Variants in ACOXL observed in about 807,000 individuals in gnomAD.
ACOXL encodes the protein acyl-CoA oxidase like, also known as acyl-coenzyme A oxidase-like protein.
ACOXL carries 70 observed loss-of-function variants against 71.9 expected under a neutral mutation model. The ratio of observed to expected loss-of-function variants is 0.97; its 90% CI spans 0.80 to 1.19. The LOEUF (loss-of-function observed/expected upper bound fraction) is 1.19, where lower values mean the gene tolerates loss of function less well. ACOXL is among the 50% of genes most tolerant of loss of function. The pLI is 0.00. For synonymous variants in ACOXL, 253 were observed against 281.6 expected, an observed-to-expected ratio of 0.90 and a Z score of 1.02; for missense variants, 703 against 736.3, an observed-to-expected ratio of 0.95 and a Z score of 0.52.
intron 2 of ACOXL, among the ~76,000 whole-genome samples, chr2:110,782,620 C>G (rs1330480018): frequency 6.6e-6 from 1 of 152,206 alleles, no homozygotes; most frequent in Non-Finnish European, 1.5e-5. Flanking sequence ...TTATAATGCT[C>G]TATGATGGCT....
chr2:111,037,448 T>C (rs3827541), intron 15 of ACOXL, among the ~76,000 whole-genome samples: 16,968 of 152,066 alleles, frequency 0.11, 1,047 homozygotes, highest in East Asian at 0.23. Context: ...GAATGATGTG[T>C]GTTTTATGGA....
intron 1 of ACOXL, among the ~76,000 whole-genome samples, chr2:110,749,144 G>T (rs1282798591): frequency 1.3e-5 from 2 of 152,172 alleles, no homozygotes; most frequent in Non-Finnish European, 2.9e-5. Flanking sequence ...ATCTGAAGAT[G>T]TGTTTTCCAC....
intron 1 of ACOXL, among the ~76,000 whole-genome samples, chr2:110,744,005 C>G (rs1486331182): frequency 6.6e-6 from 1 of 152,196 alleles, no homozygotes; most frequent in East Asian, 1.9e-4. Context: ...CTGGGGCCCC[C>G]CAGGCACTGA....
intron 15 of ACOXL, among the ~76,000 whole-genome samples, chr2:111,038,135 C>T (rs906505594): frequency 3.3e-5 from 5 of 152,152 alleles, no homozygotes; most frequent in African/African-American, 1.2e-4. Context: ...CAACTCTAAT[C>T]CCCCACTAGG....
chr2:110,976,903 T>C (rs186212810), intron 12 of ACOXL, among the ~76,000 whole-genome samples: 80 of 152,252 alleles, frequency 5.3e-4, no homozygotes, highest in Non-Finnish European at 1.0e-3. Flanking sequence ...AAGCATGACA[T>C]GAGAATGTAT....
At chr2:110,878,781 C>T (rs188832832) in intron 10 of ACOXL, among the ~76,000 whole-genome samples, 5 of 151,068 alleles carry the variant, frequency 3.3e-5, no homozygotes, top group African/African-American at 7.3e-5. Context: ...TCAAAACAGG[C>T]TGGCACGGTG....
intron 14 of ACOXL, among the ~76,000 whole-genome samples, chr2:111,019,816 C>T (rs1332208545): frequency 5.3e-5 from 8 of 152,148 alleles, no homozygotes; most frequent in Admixed American, 5.2e-4. Flanking sequence ...GCTGAATTTG[C>T]TCTATTTCTC....
intron 12 of ACOXL, chr2:110,968,362 A>ACCAGATGAT (rs1310895115): frequency 2.6e-6 from 3 of 1,135,108 alleles, no homozygotes; most frequent in African/African-American, 3.0e-5. Flanking sequence ...CTCTCATAGT[A>ACCAGATGAT]CCAGATGATT....
At chr2:111,046,865 G>T (rs576278728) in intron 15 of ACOXL, among the ~76,000 whole-genome samples, 2 of 144,146 alleles carry the variant, frequency 1.4e-5, no homozygotes, top group African/African-American at 5.9e-5. Context: ...TGGTTTGCAC[G>T]GGGAAGAGGG....
chr2:110,761,770 G>A (rs1020507756), intron 1 of ACOXL, among the ~76,000 whole-genome samples: 4 of 152,212 alleles, frequency 2.6e-5, no homozygotes, highest in Non-Finnish European at 5.9e-5. Flanking sequence ...TCTGCTGTTT[G>A]ATGGGCTAAA....
At chr2:111,001,161 G>A (rs1023135759) in intron 14 of ACOXL, among the ~76,000 whole-genome samples, 2 of 152,166 alleles carry the variant, frequency 1.3e-5, no homozygotes, top group African/African-American at 4.8e-5. Context: ...AAGCTTGAGG[G>A]CATCCTCTGT....
intron 11 of ACOXL, among the ~76,000 whole-genome samples, chr2:110,924,034 C>T (rs2060179266): frequency 6.6e-6 from 1 of 151,794 alleles, no homozygotes. Flanking sequence ...AAGTGAATAT[C>T]GCAATAACAT....
intron 17 of ACOXL, among the ~76,000 whole-genome samples, chr2:111,115,800 C>T (rs1029682626): frequency 9.9e-5 from 15 of 152,178 alleles, no homozygotes; most frequent in African/African-American, 3.6e-4. Context: ...GTTCATTTTT[C>T]TTCTCTAGGG....
At chr2:111,053,135 T>C (rs1329038294) in intron 16 of ACOXL, among the ~76,000 whole-genome samples, 1 of 152,152 alleles carries the variant, frequency 6.6e-6, no homozygotes, top group African/African-American at 2.4e-5. Context: ...CCAAAGACCC[T>C]TCCAGCATCA....
intron 12 of ACOXL, among the ~76,000 whole-genome samples, chr2:110,951,932 T>C (rs182817025): frequency 6.6e-6 from 1 of 152,370 alleles, no homozygotes; most frequent in African/African-American, 2.4e-5. Context: ...GAGGTTGGCC[T>C]CTGCTATTCC....
chr2:110,748,329 C>T (rs1410787382), intron 1 of ACOXL, among the ~76,000 whole-genome samples: 1 of 152,154 alleles, frequency 6.6e-6, no homozygotes, highest in Non-Finnish European at 1.5e-5. Context: ...TTCCTCACTG[C>T]ACTCCGTGGA....
chr2:110,797,918 G>A (rs1685469101), intron 5 of ACOXL, among the ~76,000 whole-genome samples: 1 of 152,158 alleles, frequency 6.6e-6, no homozygotes, highest in African/African-American at 2.4e-5. Flanking sequence ...ATTGAAGAAA[G>A]CCTTTATACA....
At chr2:111,061,771 C>T (rs1436851542) in intron 16 of ACOXL, among the ~76,000 whole-genome samples, 5 of 151,940 alleles carry the variant, frequency 3.3e-5, no homozygotes, top group African/African-American at 7.3e-5. Context: ...TGTTGATGCA[C>T]GTAGACCATG....
chr2:110,907,637 A>T (rs2059503234), intron 10 of ACOXL, among the ~76,000 whole-genome samples: 1 of 152,082 alleles, frequency 6.6e-6, no homozygotes, highest in African/African-American at 2.4e-5. Flanking sequence ...GCCTGGGGGA[A>T]GTCTGTGCTC....
Sources: allele counts gnomAD v4.1 joint callset (sites outside exome capture counted in the v4.1 genomes callset), GRCh38; gene constraint gnomAD v4.1.1; transcripts MANE v1.5; gene names NCBI Gene and HGNC (gene_info 2026-07-23, HGNC 2026-07-21).